Variants in ANO1 observed in about 807,000 individuals in gnomAD.
ANO1 encodes anoctamin-1.
ANO1 carries 59 observed loss-of-function variants against 124.0 expected under a neutral mutation model. The observed-to-expected ratio is 0.48, with a 90% CI of 0.39 to 0.59. The LOEUF is 0.59. Ranked by LOEUF, ANO1 falls within the 20% of genes least tolerant of loss-of-function variation. The pLI is 0.00. For missense variants in ANO1, 1,059 were observed against 1,328.0 expected, an observed-to-expected ratio of 0.80 and a Z score of 3.15; for synonymous variants, 529 against 532.0, an observed-to-expected ratio of 0.99 and a Z score of 0.08.
chr11:69,999,059 A>AAAAG (rs1306831817), intron 1 of ANO1, among the ~76,000 whole-genome samples: 3 of 152,184 alleles, frequency 2.0e-5, no homozygotes, highest in Admixed American at 6.5e-5. Flanking sequence ...AGATTTTTTA[A>AAAAG]AAAGAAAGAA....
At chr11:70,034,846 G>C (rs1380008540) in intron 1 of ANO1, among the ~76,000 whole-genome samples, 2 of 152,158 alleles carry the variant, frequency 1.3e-5, no homozygotes, top group African/African-American at 4.8e-5. Flanking sequence ...TGAACACACA[G>C]GGGCAGCCAG....
At chr11:70,181,105 A>G (rs1290450424) in intron 23 of ANO1, among the ~76,000 whole-genome samples, 1 of 152,192 alleles carries the variant, frequency 6.6e-6, no homozygotes, top group Non-Finnish European at 1.5e-5. Flanking sequence ...TGCATCCTAG[A>G]CATGAAAACC....
chr11:70,028,906 C>T (rs1398707686), intron 1 of ANO1, among the ~76,000 whole-genome samples: 1 of 152,134 alleles, frequency 6.6e-6, no homozygotes, highest in African/African-American at 2.4e-5. Flanking sequence ...CTCAGCCCTC[C>T]AAGTAGCTGG....
intron 1 of ANO1, among the ~76,000 whole-genome samples, chr11:70,019,200 T>C (rs1333476468): frequency 1.3e-5 from 2 of 150,524 alleles, no homozygotes; most frequent in East Asian, 4.0e-4. Flanking sequence ...AGTGTGCTGT[T>C]CTCCTGCACC....
chr11:70,120,535 A>G (rs1036617119), intron 8 of ANO1, among the ~76,000 whole-genome samples: 1 of 152,078 alleles, frequency 6.6e-6, no homozygotes, highest in African/African-American at 2.4e-5. Flanking sequence ...CCTGGGCTGG[A>G]CTAGGAGCCA....
chr11:70,137,638 A>T lies in ANO1; in HGVS notation c.1258+5559A>T, dbSNP rs2047000870. Among the ~76,000 whole-genome samples, 2 of 145,718 alleles carry T rather than the reference A, an allele frequency of 1.4e-5. 1 individual carries two copies. The highest frequency in any genetic ancestry group is 1.5e-4 in the Admixed American group (2 of 13,632). On this transcript the variant is annotated intron_variant, in intron 11 of 25. Coordinates refer to ENST00000355303, the MANE Select transcript of ANO1 (RefSeq NM_018043.7). ...CCACTTGACGGTCACTGGATTACTC[A>T]GGCTGACTTGGCTGCGTAGTAGGAC... is the stretch of plus-strand genomic sequence containing the variant.
upstream of ANO1, among the ~76,000 whole-genome samples, chr11:70,077,995 G>A (rs541921685): frequency 5.5e-4 from 82 of 149,114 alleles, no homozygotes; most frequent in African/African-American, 1.7e-3. Flanking sequence ...AGGGAAAGGG[G>A]CAGAGATCCA....
chr11:69,976,194 G>C, the ANO1 span, among the ~76,000 whole-genome samples: 6 of 152,166 alleles, frequency 3.9e-5, no homozygotes, highest in African/African-American at 1.4e-4. Flanking sequence ...GTTAAAATGA[G>C]GCTGTTAGGT....
intron 2 of ANO1, among the ~76,000 whole-genome samples, chr11:70,096,894 G>A (rs949861802): frequency 1.3e-5 from 2 of 151,562 alleles, no homozygotes; most frequent in Non-Finnish European, 2.9e-5. Context: ...ATAATCAAGG[G>A]GTGTAACAGT....
intron 1 of ANO1, chr11:70,072,560 G>A (rs548261376): frequency 6.6e-6 from 1 of 152,398 alleles, no homozygotes; most frequent in South Asian, 2.1e-4. Flanking sequence ...CTTGACTTTG[G>A]GGAGGGGAGG....
At chr11:70,185,925 C>A (rs577854165) in intron 25 of ANO1, among the ~76,000 whole-genome samples, 1 of 152,268 alleles carries the variant, frequency 6.6e-6, no homozygotes, top group Non-Finnish European at 1.5e-5. Flanking sequence ...AATAGAGGGG[C>A]CGGATGAGCA....
chr11:70,169,607 T>C (rs1446209877), intron 21 of ANO1, among the ~76,000 whole-genome samples: 1 of 152,090 alleles, frequency 6.6e-6, no homozygotes, highest in Non-Finnish European at 1.5e-5. Flanking sequence ...CTGGCCCTCA[T>C]GCACAGCACA....
chr11:70,161,040 C>T, intron 16 of ANO1, 121 bp from the exon 17 acceptor site: 4 of 951,122 alleles, frequency 4.2e-6, no homozygotes. Context: ...AATGTCAGTG[C>T]TTGTTTTGAA....
Position 70,131,958 on chromosome 11 carries a change from C to T in ANO1, c.1137C>T (p.Cys379=), listed in dbSNP as rs2046775414. The T allele has an allele frequency of 1.2e-6, 2 of 1,609,610 alleles. No individual in the cohort carries two copies. Among genetic ancestry groups the T allele is most frequent in the Admixed American group, 3.3e-5 (2 of 59,932 alleles). Residue 379 remains cysteine, a synonymous_variant, in exon 11 of 26, where the codon TGC becomes TGT. Coordinates refer to ENST00000355303, the MANE Select transcript of ANO1 (RefSeq NM_018043.7). Reference sequence around the variant, plus strand: ...ACCAGAGACACAATATCACCATGTGCCCGCTTTGCGACAAGACCTGCAGCT... The same window carrying T: ...ACCAGAGACACAATATCACCATGTGTCCGCTTTGCGACAAGACCTGCAGCT... ...MCDQRHNITM[C]PLCDKTCSYW... is the part of the protein sequence containing the mutation.
At chr11:70,071,195 G>T (rs1857865667) in intron 1 of ANO1, among the ~76,000 whole-genome samples, 1 of 152,214 alleles carries the variant, frequency 6.6e-6, no homozygotes, top group Non-Finnish European at 1.5e-5. Context: ...AATGTGCTGT[G>T]ATTGGCCTTT....
intron 19 of ANO1, among the ~76,000 whole-genome samples, chr11:70,164,552 G>C (rs2048180889): frequency 6.6e-6 from 1 of 152,240 alleles, no homozygotes. Context: ...GGCTCTCCAA[G>C]ACAAGTGTAG....
chr11:69,973,807 G>A, the ANO1 span, among the ~76,000 whole-genome samples: 3 of 151,860 alleles, frequency 2.0e-5, no homozygotes, highest in East Asian at 5.9e-4. Context: ...GGGAGGTGGA[G>A]GTTGCAGTGA....
At position 70,078,374 on chromosome 11, in the gene ANO1, G is replaced by T. The variant is rs1447596345; in HGVS notation, c.-233G>T. 2 of 149,022 alleles carry T rather than the reference G, an allele frequency of 1.3e-5. No individual in the cohort carries two copies. The highest frequency in any genetic ancestry group is 2.0e-4 in the East Asian group (1 of 5,000). The allele number at this position is 149,022 out of a possible 1,614,324, so 9.2% of individuals were successfully genotyped here. Reference sequence around the variant, plus strand: ...CCCGCGGGACCAGCAGCCGGGTGGCGGCGCGATCGGCCCCGAGAGGCTCAG... The same window carrying T: ...CCCGCGGGACCAGCAGCCGGGTGGCTGCGCGATCGGCCCCGAGAGGCTCAG... On this transcript the variant is annotated 5_prime_UTR_variant, in exon 1 of 26. Coordinates refer to ENST00000355303, the MANE Select transcript of ANO1 (RefSeq NM_018043.7).
intron 1 of ANO1, among the ~76,000 whole-genome samples, chr11:69,989,624 C>T (rs991589491): frequency 4.6e-5 from 7 of 152,106 alleles, no homozygotes; most frequent in Non-Finnish European, 8.8e-5. Flanking sequence ...CCTGCTACTG[C>T]AGTAGGGTTT....
Sources: gnomAD v4.1 joint callset for allele counts (sites outside exome capture counted in the v4.1 genomes callset) on GRCh38, gnomAD v4.1.1 for gene constraint, MANE v1.5 for transcripts, NCBI Gene and HGNC (gene_info 2026-07-23, HGNC 2026-07-21) for gene names.